Variants in LRP1 observed in about 807,000 individuals in gnomAD.
LRP1 encodes LDL receptor related protein 1.
In LRP1, 51 loss-of-function variants were observed where a neutral mutation model predicts 541.5. The ratio of observed to expected loss-of-function variants is 0.09; its 90% CI spans 0.08 to 0.12. The LOEUF is 0.12. LRP1 is among the 10% of genes least tolerant of loss of function. LRP1 has a pLI of 1.00. For missense variants in LRP1, 3,878 were observed against 6,376.2 expected (o/e 0.61, Z 13.34); for synonymous variants, 2,219 against 2,470.8 (o/e 0.90, Z 3.02).
chr12:57,136,432 C>T (rs1363617944), intron 1 of LRP1, among the ~76,000 whole-genome samples: 1 of 133,772 alleles, frequency 7.5e-6, no homozygotes, highest in Non-Finnish European at 1.6e-5. Context: ...ACTTCTGTCT[C>T]TGCCCTGCAT....
chr12:57,179,316 C>T lies in LRP1; in HGVS notation c.4739-13C>T. The T allele has an allele frequency of 6.3e-7, 1 of 1,596,886 alleles. No individual in the cohort carries two copies. The highest frequency in any genetic ancestry group is 8.6e-7 in the Non-Finnish European group (1 of 1,165,052). On this transcript the variant is annotated splice_polypyrimidine_tract_variant and intron_variant, in intron 28 of 88. Coordinates refer to ENST00000243077, the MANE Select transcript of LRP1 (RefSeq NM_002332.3). This position sits in a 1 kb window ranked among gnomAD's most constrained non-coding sequence, Gnocchi z 6.8. ...GCAGGGACTGCCTTCAGTGACCAGC[C>T]CATGCCCCACAGAGTTTAAGAAGTT...
Position 57,204,483 on chromosome 12 carries a change from C to T in LRP1, c.11025C>T (p.Gly3675=), listed in dbSNP as rs766130397. 1.4e-5 allele frequency: 22 copies of T among 1,581,508 alleles called. No individual in the cohort carries two copies. The highest frequency in any genetic ancestry group is 6.7e-5 in the East Asian group (3 of 44,478). ...LCKPLAWKCD[G]EDDCGDNSDE... ...AGCCGCTGGCCTGGAAGTGCGATGG[C>T]GAGGATGACTGTGGGGACAACTCAG... The change falls in exon 71 of 89, where the codon GGC becomes GGT. Residue 3675 remains glycine, a synonymous_variant. Transcript: ENST00000243077. This position sits in a 1 kb window ranked among gnomAD's most constrained non-coding sequence, Gnocchi z 5.3.
Position 57,205,343 on chromosome 12 carries a change from C to T in LRP1, c.11336-8C>T, listed in dbSNP as rs1336199545. 1 of 1,598,766 alleles carries T rather than the reference C, an allele frequency of 6.3e-7. No homozygotes were observed. On this transcript the variant is annotated splice_region_variant and splice_polypyrimidine_tract_variant and intron_variant, in intron 73 of 88. Transcript: ENST00000243077. The surrounding 1 kb of genome is among the most constrained non-coding windows in gnomAD (Gnocchi z 4.6). ...CAAGGGAGGGCATCCACTCTCTGTCCCCCACAGACCCCAAGCTGACCAGCT... is the reference window on the plus strand; with the variant it reads ...CAAGGGAGGGCATCCACTCTCTGTCTCCCACAGACCCCAAGCTGACCAGCT...
intron 2 of LRP1, among the ~76,000 whole-genome samples, chr12:57,140,138 C>T (rs527505969): frequency 2.0e-5 from 3 of 151,906 alleles, no homozygotes; most frequent in Non-Finnish European, 4.4e-5. Context: ...TGGGATCTCA[C>T]TATGTTGCCT....
At chr12:57,203,935 A>T (rs1282639466) in intron 70 of LRP1, 2 of 202,698 alleles carry the variant, frequency 9.9e-6, no homozygotes, top group African/African-American at 4.6e-5. Flanking sequence ...TGGGCTCTGC[A>T]GTACAGAGGG....
intron 3 of LRP1, among the ~76,000 whole-genome samples, chr12:57,142,385 C>T (rs1257743818): frequency 6.6e-6 from 1 of 152,190 alleles, no homozygotes; most frequent in Non-Finnish European, 1.5e-5. Context: ...CCTGAGAAAA[C>T]ATCTGTCTGT....
At chr12:57,191,546 C>T (rs771985944) in intron 44 of LRP1, 34 bp downstream of exon 44, 18 of 1,553,904 alleles carry the variant, frequency 1.2e-5, no homozygotes, top group Admixed American at 3.5e-5. Flanking sequence ...CCTCACCCTC[C>T]TGCCTGTCGT....
In LRP1 at chr12:57,197,148, G is replaced by T. The variant is rs745980198; in HGVS notation, c.9059G>T (p.Ser3020Ile). The stretch of plus-strand genomic sequence containing the variant: ...GCACCCCGCGGCGGCGACCCCCACA[G>T]CTGCAAGGCTGTGACTGGTGAGATG... ...GYAPRGGDPHSCKAVTDEEPF... is the reference protein window; with the variant it reads ...GYAPRGGDPHICKAVTDEEPF... The change falls in exon 56 of 89, where the codon AGC (serine) becomes ATC (isoleucine). Residue 3020 changes from serine (S) to isoleucine (I), a missense_variant. Physicochemically the swap from Ser to Ile is moderately radical, Grantham distance 142 (BLOSUM62 -2). Coordinates refer to ENST00000243077, the MANE Select transcript of LRP1 (RefSeq NM_002332.3). This position sits in a 1 kb window ranked among gnomAD's most constrained non-coding sequence, Gnocchi z 4.5. 6.2e-7 allele frequency: 1 copy of T among 1,613,992 alleles called. No homozygotes were observed. The highest frequency in any genetic ancestry group is 8.5e-7 in the Non-Finnish European group (1 of 1,180,040).
intron 42 of LRP1, among the ~76,000 whole-genome samples, chr12:57,188,113 G>A (rs780576213): frequency 2.0e-5 from 3 of 152,204 alleles, no homozygotes; most frequent in Admixed American, 6.5e-5. Context: ...GTCAGGGTGC[G>A]GAGGAGTTAG....
rs1565722340 is a variant in LRP1 at position 57,154,962 on chromosome 12, C to G, written c.1227+261C>G. ...TCTCATTTGACCCTTATAATAACCC[C>G]TAGCTGATGAACAGGGAGGTGGTTC... On this transcript the variant is annotated intron_variant, in intron 8 of 88. Coordinates refer to ENST00000243077, the MANE Select transcript of LRP1 (RefSeq NM_002332.3). The surrounding 1 kb of genome is among the most constrained non-coding windows in gnomAD (Gnocchi z 4.6). 1 of 596,428 alleles carries G rather than the reference C, an allele frequency of 1.7e-6. No individual in the cohort carries two copies. The highest frequency in any genetic ancestry group is 1.9e-5 in the African/African-American group (1 of 53,942). The allele number at this position is 596,428 out of a possible 1,614,324, so 36.9% of individuals were successfully genotyped here.
Position 57,183,650 on chromosome 12 carries a change from C to A in LRP1, c.5795-125C>A. On this transcript the variant is annotated intron_variant, in intron 35 of 88. Transcript: ENST00000243077. This position sits in a 1 kb window ranked among gnomAD's most constrained non-coding sequence, Gnocchi z 6.1. ...TGCTACAGCTGCCACCCTGACTCCA[C>A]CTCCCCTTCAAGCACCTGGCCCCTC... The A allele has an allele frequency of 6.7e-7, 1 of 1,489,038 alleles. No homozygotes were observed. The allele number at this position is 1,489,038 out of a possible 1,614,324, so 92.2% of individuals were successfully genotyped here.
chr12:57,200,258 T>C lies in LRP1; in HGVS notation c.10015-184T>C. On this transcript the variant is annotated intron_variant, in intron 62 of 88. Transcript: ENST00000243077. The stretch of plus-strand genomic sequence containing the variant: ...GACCCTCCTTGCCATGCTTCAGTGC[T>C]GCCTTCCCCACCCTATCCCACGCAG... The C allele has an allele frequency of 6.2e-6, 4 of 646,128 alleles. No individual in the cohort carries two copies. The South Asian group carries it at 7.5e-5, about 12-fold the overall frequency. 40.0% of individuals were successfully genotyped at this position (646,128 alleles called of 1,614,324 possible). A position where few individuals can be genotyped will look rare whatever the true frequency, so the allele number is the denominator to read the frequency against.
At chr12:57,203,095 G>A in intron 68 of LRP1, 86 bp from the exon 69 acceptor site, 3 of 978,872 alleles carry the variant, frequency 3.1e-6, no homozygotes, top group Non-Finnish European at 4.4e-6. Context: ...CACGGGGATG[G>A]GCCTTGGGCT....
Position 57,176,041 on chromosome 12 carries a change from G to A in LRP1, c.3926G>A (p.Ser1309Asn), listed in dbSNP as rs1200682397. Residue 1309 changes from serine to asparagine, a missense_variant, in exon 24 of 89, where the codon AGC becomes AAC. Ser to Asn is a conservative substitution (Grantham distance 46). Transcript: ENST00000243077. ...TIALDFHLSQ[S>N]ALYWTDVVED... ...GCCCTGGACTTCCACCTCAGCCAGA[G>A]CGCCCTCTACTGGACCGACGTGGTG... 6.2e-7 allele frequency: 1 copy of A among 1,614,240 alleles called. No homozygotes were observed. Among genetic ancestry groups the A allele is most frequent in the Non-Finnish European group, 8.5e-7 (1 of 1,180,046 alleles).
In LRP1 at chr12:57,193,092, T is replaced by C. The variant is rs927283540; in HGVS notation, c.7556-84T>C. The C allele has an allele frequency of 1.9e-6, 3 of 1,584,524 alleles. No homozygotes were observed. The African/African-American group carries it at 4.0e-5, about 21-fold the overall frequency. ...CCTTTTGCCAAGAAGACGCTGATGA[T>C]GACCTCAGCTCCCCGGGGGAGGAGG... On this transcript the variant is annotated intron_variant, in intron 45 of 88. Transcript: ENST00000243077.
chr12:57,193,360 C>G (rs923433687), intron 46 of LRP1, 56 bp downstream of exon 46: 10 of 1,593,918 alleles, frequency 6.3e-6, no homozygotes, highest in Non-Finnish European at 8.5e-6. Context: ...AGGTCCTCCT[C>G]CCCCAGGCCC....
chr12:57,187,310 C>T lies in LRP1; in HGVS notation c.6885C>T (p.Asp2295=). The T allele has an allele frequency of 6.2e-7, 1 of 1,614,142 alleles. No homozygotes were observed. Among genetic ancestry groups the T allele is most frequent in the Non-Finnish European group, 8.5e-7 (1 of 1,180,002 alleles). ...VEGLAYHRGW[D]TLYWTSYTTS... is the part of the protein sequence containing the mutation. ...GCCTGGCCTATCACCGTGGCTGGGA[C>T]ACTCTCTATTGGACAAGCTACACGA... Residue 2295 remains aspartate (D), a synonymous_variant, in exon 42 of 89, where the codon GAC becomes GAT. Coordinates refer to ENST00000243077, the MANE Select transcript of LRP1 (RefSeq NM_002332.3).
chr12:57,173,486 C>G lies in LRP1; in HGVS notation c.3346+136C>G, dbSNP rs550281559. On this transcript the variant is annotated intron_variant, in intron 21 of 88. Coordinates refer to ENST00000243077, the MANE Select transcript of LRP1 (RefSeq NM_002332.3). The surrounding 1 kb of genome is among the most constrained non-coding windows in gnomAD (Gnocchi z 4.7). ...GCTGGGGACAGTGCAAGGCAAAAGG[C>G]AGTCCAGAGGAAGCTTGTGTGTCAT... 36 of 978,868 alleles carry G rather than the reference C, an allele frequency of 3.7e-5. No homozygotes were observed. In the South Asian group the frequency reaches 5.6e-4, roughly 15 times the overall value. 60.6% of individuals were successfully genotyped at this position (978,868 alleles called of 1,614,324 possible).
chr12:57,192,904 C>T lies in LRP1; in HGVS notation c.7489C>T (p.His2497Tyr), dbSNP rs1237684500. 3 of 1,614,110 alleles carry T rather than the reference C, an allele frequency of 1.9e-6. No homozygotes were observed. The highest frequency in any genetic ancestry group is 2.2e-5 in the South Asian group (2 of 91,084). ...CTGCCAGGACCTGTGTCTGCTCACT[C>T]ACCAGGGCCATGTCAACTGCTCATG... ...GGCQDLCLLT[H>Y]QGHVNCSCRG... is the part of the protein sequence containing the mutation. Residue 2497 changes from histidine to tyrosine, a missense_variant, in exon 45 of 89, where the codon CAC becomes TAC. Physicochemically the swap from His to Tyr is moderately conservative, Grantham distance 83 (BLOSUM62 2). Around this residue, in one of 13 missense-constraint regions of LRP1, gnomAD observed 1,100 missense variants for 1,827.4 expected, o/e 0.60. Transcript: ENST00000243077.
Sources: allele counts gnomAD v4.1 joint callset (sites outside exome capture counted in the v4.1 genomes callset), GRCh38; gene constraint gnomAD v4.1.1; regional missense constraint gnomAD v4.1.1; non-coding constraint Gnocchi (gnomAD v3.1); transcripts MANE v1.5; gene names NCBI Gene and HGNC (gene_info 2026-07-23, HGNC 2026-07-21).